The following PEMT variants were observed in gnomAD, a reference collection of about 807,000 sequenced individuals.
The protein encoded by PEMT is phosphatidylethanolamine N-methyltransferase.
A neutral mutation model predicts 27.4 loss-of-function variants in PEMT; 23 were observed. The observed-to-expected ratio is 0.84, with a 90% CI of 0.60 to 1.19. PEMT has a LOEUF of 1.19. PEMT is among the 50% of genes most tolerant of loss of function. The probability of loss-of-function intolerance (pLI) is 0.00; values close to 1 mark genes in which losing one functional copy is unlikely to be tolerated. For missense variants in PEMT, 307 were observed against 310.1 expected, an observed-to-expected ratio of 0.99 and a Z score of 0.07; for synonymous variants, 137 against 139.1, an observed-to-expected ratio of 0.98 and a Z score of 0.11.
chr17:17,531,422 T>A, intron 2 of PEMT, among the ~76,000 whole-genome samples: 1 of 150,982 alleles, frequency 6.6e-6, no homozygotes, highest in Non-Finnish European at 1.5e-5. Context: ...ATCATCTATG[T>A]CAAAAATCAG....
In PEMT at chr17:17,579,779, T is replaced by C. The variant is rs111496369; in HGVS notation, c.97-2752A>G. 6.7e-3 allele frequency among the ~76,000 whole-genome samples: 1,019 copies of C among 152,358 alleles called. 10 individuals are homozygous for C. The highest frequency in any genetic ancestry group is 0.023 in the African/African-American group (939 of 41,584). ...CTGCTACTGGAATCTGTAGACAGAA[T>C]AGCTGAGTGAAAGAGTGGCCACGGC... On this transcript the variant is annotated intron_variant, in intron 1 of 6. Transcript: ENST00000255389.
At chr17:17,546,348 G>A (rs1004563509) in intron 2 of PEMT, among the ~76,000 whole-genome samples, 2 of 152,232 alleles carry the variant, frequency 1.3e-5, no homozygotes, top group African/African-American at 4.8e-5. Flanking sequence ...TTGGTGGCTA[G>A]CCAGGCAGCC....
chr17:17,554,572 A>T (rs1909913893), intron 2 of PEMT, among the ~76,000 whole-genome samples: 1 of 152,178 alleles, frequency 6.6e-6, no homozygotes, highest in Non-Finnish European at 1.5e-5. Flanking sequence ...TTCATCAGTG[A>T]CGGCCAGAGT....
intron 1 of PEMT, among the ~76,000 whole-genome samples, chr17:17,578,352 C>CA (rs1911758961): frequency 6.6e-6 from 1 of 151,314 alleles, no homozygotes; most frequent in Non-Finnish European, 1.5e-5. Context: ...CCTGTCTCTA[C>CA]AAAAATGTAA....
chr17:17,510,859 A>C (rs1286773628), intron 4 of PEMT, among the ~76,000 whole-genome samples: 1 of 152,066 alleles, frequency 6.6e-6, no homozygotes, highest in Non-Finnish European at 1.5e-5. Context: ...CCACCCGAGC[A>C]CTGGCCACTG....
chr17:17,522,428 T>C (rs371029049), intron 2 of PEMT, 33 bp from the exon 3 acceptor site: 3 of 1,434,534 alleles, frequency 2.1e-6, no homozygotes, highest in Non-Finnish European at 2.9e-6. Flanking sequence ...GAACGAGATA[T>C]TTCCTGGGGA....
At chr17:17,525,742 C>G (rs1381041762) in intron 2 of PEMT, among the ~76,000 whole-genome samples, 4 of 152,194 alleles carry the variant, frequency 2.6e-5, no homozygotes, top group African/African-American at 7.2e-5. Flanking sequence ...CGTCTGTAAT[C>G]CCAGCACTTT....
intron 2 of PEMT, among the ~76,000 whole-genome samples, chr17:17,543,279 C>T (rs1395306712): frequency 6.6e-6 from 1 of 152,284 alleles, no homozygotes; most frequent in Admixed American, 6.5e-5. Flanking sequence ...GCACTCCACA[C>T]TGTCCTTTCC....
At chr17:17,576,657 G>C (rs1911610445) in intron 2 of PEMT, among the ~76,000 whole-genome samples, 1 of 152,218 alleles carries the variant, frequency 6.6e-6, no homozygotes, top group Non-Finnish European at 1.5e-5. Context: ...TCTCCTGCAG[G>C]TTCTTGTGAG....
At chr17:17,538,269 AAG>A (rs545861519) in intron 2 of PEMT, among the ~76,000 whole-genome samples, 2 of 152,246 alleles carry the variant, frequency 1.3e-5, no homozygotes, top group African/African-American at 4.8e-5. Flanking sequence ...ACCAGCGGCA[AAG>A]AGAGCCTCAG....
rs1275117168 is a variant in PEMT at position 17,512,812 on chromosome 17, C to A, written c.321-158G>T. On this transcript the variant is annotated intron_variant, in intron 3 of 6. Coordinates refer to ENST00000255389, the MANE Select transcript of PEMT (RefSeq NM_148172.3). This position sits in a 1 kb window ranked among gnomAD's most constrained non-coding sequence, Gnocchi z 6.3. The stretch of plus-strand genomic sequence containing the variant: ...AGGCAGGCAGCAGGTGGGGTCCAGT[C>A]CACCTGGGAGGTGGGTGACAGTAAC... 6.6e-6 allele frequency among the ~76,000 whole-genome samples: 1 copy of A among 152,174 alleles called. No homozygotes were observed. Among genetic ancestry groups the A allele is most frequent in the Non-Finnish European group, 1.5e-5 (1 of 68,022 alleles).
At position 17,582,162 on chromosome 17, in the gene PEMT, AG is replaced by A. The variant is rs1187829936; in HGVS notation, c.97-5136del. On this transcript the variant is annotated intron_variant, in intron 1 of 6. Coordinates refer to ENST00000255389, the MANE Select transcript of PEMT (RefSeq NM_148172.3). This position sits in a 1 kb window ranked among gnomAD's most constrained non-coding sequence, Gnocchi z 4.9. ...CCAGCCCCAACCTCCTTCATACAAC[AG>A]AGGTCCCGGCTTTCTGCTACCCAGT... is the stretch of plus-strand genomic sequence containing the variant. 2 of 631,256 alleles carry A rather than the reference AG, an allele frequency of 3.2e-6. No homozygotes were observed. Among genetic ancestry groups the A allele is most frequent in the Admixed American group, 1.3e-4 (2 of 15,822 alleles). The allele number at this position is 631,256 out of a possible 1,614,324, so 39.1% of individuals were successfully genotyped here.
intron 1 of PEMT, among the ~76,000 whole-genome samples, chr17:17,586,640 A>G (rs1912331120): frequency 6.6e-6 from 1 of 152,216 alleles, no homozygotes; most frequent in Non-Finnish European, 1.5e-5. Context: ...GGATGCGGCT[A>G]AGGCAGGGCT....
At chr17:17,511,188 C>T (rs1906361447) in intron 4 of PEMT, among the ~76,000 whole-genome samples, 4 of 152,286 alleles carry the variant, frequency 2.6e-5, no homozygotes, top group Admixed American at 2.0e-4. Context: ...CTACTCTGCC[C>T]TCAACCTCCC....
At chr17:17,564,558 G>A (rs1184064753) in intron 2 of PEMT, among the ~76,000 whole-genome samples, 2 of 152,140 alleles carry the variant, frequency 1.3e-5, no homozygotes, top group East Asian at 3.9e-4. Context: ...AGAGGCCAGA[G>A]AGGGCAGAGG....
chr17:17,511,991 G>C (rs939457386), intron 4 of PEMT, among the ~76,000 whole-genome samples: 3 of 151,190 alleles, frequency 2.0e-5, no homozygotes, highest in Admixed American at 6.6e-5. Flanking sequence ...GGGATAAGGT[G>C]CCTCCACCCC....
At chr17:17,544,007 C>G (rs571199956) in intron 2 of PEMT, among the ~76,000 whole-genome samples, 3 of 152,154 alleles carry the variant, frequency 2.0e-5, no homozygotes, top group South Asian at 2.1e-4. Flanking sequence ...GAGAACACAG[C>G]CTTGCTAGAC....
At chr17:17,578,369 G>T (rs149292151) in intron 1 of PEMT, among the ~76,000 whole-genome samples, 3 of 151,956 alleles carry the variant, frequency 2.0e-5, no homozygotes, top group Non-Finnish European at 2.9e-5. Context: ...GTAAAAACTA[G>T]CTGGGCGTAG....
chr17:17,536,573 C>T (rs572247562), intron 2 of PEMT, among the ~76,000 whole-genome samples: 34 of 152,322 alleles, frequency 2.2e-4, no homozygotes, highest in African/African-American at 8.2e-4. Context: ...TCAGCAGCCC[C>T]GCAAGGAACA....
Sources: allele counts gnomAD v4.1 joint callset (sites outside exome capture counted in the v4.1 genomes callset), GRCh38; gene constraint gnomAD v4.1.1; non-coding constraint Gnocchi (gnomAD v3.1); transcripts MANE v1.5; gene names NCBI Gene and HGNC (gene_info 2026-07-23, HGNC 2026-07-21).